SPSB1: variants seen among roughly 807,000 people sequenced by gnomAD.
The protein encoded by SPSB1 is SPRY domain-containing SOCS box protein 1.
Under a neutral mutation model 21.2 loss-of-function variants are expected in SPSB1, and 8 were observed. The ratio of observed to expected loss-of-function variants is 0.38; its 90% confidence interval spans 0.22 to 0.68. The LOEUF is 0.68. Among genes scored for constraint, SPSB1 ranks in the 30% least tolerant of loss-of-function variants. SPSB1 has a pLI of 0.53. For synonymous variants in SPSB1, 169 were observed against 161.7 expected, an observed-to-expected ratio of 1.05 and a Z score of -0.34; for missense variants, 242 against 377.8, an observed-to-expected ratio of 0.64 and a Z score of 2.98.
rs35087106 is a variant in SPSB1 at position 9,324,505 on chromosome 1, CTG to C, written c.-149-31235_-149-31234del. The stretch of plus-strand genomic sequence containing the variant: ...GCCTCTGGAGGGTCGGCTCGGAGGG[CTG>C]TGGGCCCGGGACTCGGTGTGTCCGA... On this transcript the variant is annotated intron_variant, in intron 1 of 2. Coordinates refer to ENST00000328089, the MANE Select transcript of SPSB1 (RefSeq NM_025106.4). The surrounding 1 kb of genome is among the most constrained non-coding windows in gnomAD (Gnocchi z 4.3). Among the ~76,000 whole-genome samples, 73,544 of 151,610 alleles carry C rather than the reference CTG, an allele frequency of 0.49. 19,260 individuals are homozygous for C. Among genetic ancestry groups the C allele is most frequent in the Non-Finnish European group, 0.61 (41,242 of 67,826 alleles).
intron 1 of SPSB1, among the ~76,000 whole-genome samples, chr1:9,308,076 C>T (rs1405840118): frequency 1.3e-5 from 2 of 152,166 alleles, no homozygotes; most frequent in African/African-American, 4.8e-5. Flanking sequence ...TCCTGTTAAC[C>T]CGTCTGGGAC....
intron 1 of SPSB1, among the ~76,000 whole-genome samples, chr1:9,353,832 C>T (rs1458269269): frequency 1.3e-5 from 2 of 151,804 alleles, no homozygotes; most frequent in Admixed American, 1.3e-4. Flanking sequence ...GCAGGAGAAT[C>T]GCTTGAACCC....
Position 9,357,153 on chromosome 1 carries a change from ATGGATGGG to A in SPSB1, c.694+576_694+583del, listed in dbSNP as rs796465223. On this transcript the variant is annotated intron_variant, in intron 2 of 2. Transcript: ENST00000328089. ...GATGAGTGGATGGATGGATGGGTGG[ATGGATGGG>A]TGGATGGATGGGTGGATGGATGAGT... Among the ~76,000 whole-genome samples the A allele has an allele frequency of 5.9e-4, 86 of 146,478 alleles. 2 individuals carry two copies. The highest frequency in any genetic ancestry group is 4.1e-3 in the South Asian group (19 of 4,610).
intron 2 of SPSB1, among the ~76,000 whole-genome samples, chr1:9,365,553 T>C (rs1269308473): frequency 1.4e-5 from 2 of 147,818 alleles, no homozygotes; most frequent in East Asian, 4.2e-4. Context: ...TCCAATTCAG[T>C]GGCCTCTTGC....
chr1:9,361,566 G>A (rs922149627), intron 2 of SPSB1, among the ~76,000 whole-genome samples: 2 of 152,168 alleles, frequency 1.3e-5, no homozygotes, highest in African/African-American at 4.8e-5. Flanking sequence ...CAGAGTCCCG[G>A]CTTCTACACT....
At chr1:9,306,953 A>T (rs1639423800) in intron 1 of SPSB1, among the ~76,000 whole-genome samples, 3 of 143,954 alleles carry the variant, frequency 2.1e-5, no homozygotes, top group Non-Finnish European at 3.0e-5. Context: ...TTTTAAGTGG[A>T]ATCTCGCTCT....
At chr1:9,337,149 G>A (rs1427232127) in intron 1 of SPSB1, among the ~76,000 whole-genome samples, 1 of 152,112 alleles carries the variant, frequency 6.6e-6, no homozygotes, top group Non-Finnish European at 1.5e-5. Context: ...GGGAAGGGGT[G>A]CTTTCTGGTC....
In SPSB1 at chr1:9,367,590, C is replaced by A; in HGVS notation, c.*15C>A. 1 of 1,589,394 alleles carries A rather than the reference C, an allele frequency of 6.3e-7. No homozygotes were observed. The highest frequency in any genetic ancestry group is 8.6e-7 in the Non-Finnish European group (1 of 1,165,474). On this transcript the variant is annotated 3_prime_UTR_variant, in exon 3 of 3. Coordinates refer to ENST00000328089, the MANE Select transcript of SPSB1 (RefSeq NM_025106.4). The surrounding 1 kb of genome is among the most constrained non-coding windows in gnomAD (Gnocchi z 5.9). ...TCTACCAGTGACGTTCGCCATCATA[C>A]CGCCAGCGCGACAGCCACCTGGTGC...
intron 1 of SPSB1, among the ~76,000 whole-genome samples, chr1:9,301,817 G>T (rs1639334352): frequency 6.6e-6 from 1 of 152,210 alleles, no homozygotes; most frequent in Non-Finnish European, 1.5e-5. Flanking sequence ...CTCCAGTATG[G>T]CCCCATTCCC....
Position 9,317,301 on chromosome 1 carries a change from C to A in SPSB1, c.-150+24230C>A, listed in dbSNP as rs531295952. On this transcript the variant is annotated intron_variant, in intron 1 of 2. Coordinates refer to ENST00000328089, the MANE Select transcript of SPSB1 (RefSeq NM_025106.4). This position sits in a 1 kb window ranked among gnomAD's most constrained non-coding sequence, Gnocchi z 4.3. ...GGAAGAAGGGAATAAATGTCACTGG[C>A]GGAAGGTGGCATGTGTGTGCAAAAC... Among the ~76,000 whole-genome samples, 1 of 152,008 alleles carries A rather than the reference C, an allele frequency of 6.6e-6. No individual in the cohort carries two copies. The highest frequency in any genetic ancestry group is 1.5e-5 in the Non-Finnish European group (1 of 68,000).
chr1:9,346,119 T>C lies in SPSB1; in HGVS notation c.-149-9624T>C, dbSNP rs565223531. 7.0e-4 allele frequency among the ~76,000 whole-genome samples: 106 copies of C among 152,368 alleles called. No individual in the cohort carries two copies. Among genetic ancestry groups the C allele is most frequent in the Admixed American group, 1.6e-3 (25 of 15,306 alleles). On this transcript the variant is annotated intron_variant, in intron 1 of 2. Coordinates refer to ENST00000328089, the MANE Select transcript of SPSB1 (RefSeq NM_025106.4). This position sits in a 1 kb window ranked among gnomAD's most constrained non-coding sequence, Gnocchi z 4.4. The stretch of plus-strand genomic sequence containing the variant: ...TGAGCCAGGCTGCAGAGATTGATTC[T>C]GATAAAATAGCAGATTGCTCGGGGC...
rs909462344 is a variant in SPSB1 at position 9,317,632 on chromosome 1, G to GAT, written c.-150+24572_-150+24573dup. ...CCTCAGGTATGCACTACCACGCCCA[G>GAT]ATATATATATATTTTTGTATTTTGT... On this transcript the variant is annotated intron_variant, in intron 1 of 2. Transcript: ENST00000328089. This position sits in a 1 kb window ranked among gnomAD's most constrained non-coding sequence, Gnocchi z 4.3. 1.8e-4 allele frequency among the ~76,000 whole-genome samples: 28 copies of GAT among 152,066 alleles called. No homozygotes were observed. The highest frequency in any genetic ancestry group is 6.0e-4 in the African/African-American group (25 of 41,486).
Position 9,346,749 on chromosome 1 carries a change from C to G in SPSB1, c.-149-8994C>G, listed in dbSNP as rs150170807. 8.0e-3 allele frequency among the ~76,000 whole-genome samples: 1,213 copies of G among 152,292 alleles called. 13 individuals are homozygous for G. The highest frequency in any genetic ancestry group is 0.015 in the South Asian group (71 of 4,816). ...TGGTCTATCAGGGGTGGAACAGCCACCGGTGTTTCTGATGGGGCCACCTCA... is the reference window on the plus strand; with the variant it reads ...TGGTCTATCAGGGGTGGAACAGCCAGCGGTGTTTCTGATGGGGCCACCTCA... On this transcript the variant is annotated intron_variant, in intron 1 of 2. Transcript: ENST00000328089. The surrounding 1 kb of genome is among the most constrained non-coding windows in gnomAD (Gnocchi z 4.4).
At chr1:9,350,917 C>G (rs971680972) in intron 1 of SPSB1, among the ~76,000 whole-genome samples, 1 of 152,198 alleles carries the variant, frequency 6.6e-6, no homozygotes, top group Non-Finnish European at 1.5e-5. Flanking sequence ...GTGTAGTGCC[C>G]GGTGCTGGAT....
intron 1 of SPSB1, among the ~76,000 whole-genome samples, chr1:9,328,596 G>A (rs1426142661): frequency 2.0e-5 from 3 of 152,344 alleles, no homozygotes; most frequent in South Asian, 4.1e-4. Context: ...GTAACCCAGA[G>A]GCTGATGAGT....
In SPSB1 at chr1:9,367,391, C is replaced by A; in HGVS notation, c.695-57C>A. On this transcript the variant is annotated intron_variant, in intron 2 of 2. Coordinates refer to ENST00000328089, the MANE Select transcript of SPSB1 (RefSeq NM_025106.4). The surrounding 1 kb of genome is among the most constrained non-coding windows in gnomAD (Gnocchi z 5.9). ...GATAATATTGCTGCTGTGGTTAGCG[C>A]TGTTTGCTGAACACCCACCCAAGCT... is the stretch of plus-strand genomic sequence containing the variant. The A allele has an allele frequency of 6.2e-7, 1 of 1,611,470 alleles. No individual in the cohort carries two copies. The highest frequency in any genetic ancestry group is 8.5e-7 in the Non-Finnish European group (1 of 1,179,740).
intron 2 of SPSB1, among the ~76,000 whole-genome samples, chr1:9,359,558 C>T (rs370388555): frequency 1.8e-4 from 28 of 151,858 alleles, no homozygotes; most frequent in African/African-American, 5.8e-4. Context: ...AAAAATTAGC[C>T]GGGCGTGGTG....
Position 9,345,119 on chromosome 1 carries a change from G to A in SPSB1, c.-149-10624G>A, listed in dbSNP as rs1056087094. ...GAGTCCCACAGGAGGCTAGGCTGGA[G>A]CGAGGCCCTTCCAGAGAACCAGCTT... On this transcript the variant is annotated intron_variant, in intron 1 of 2. Transcript: ENST00000328089. The surrounding 1 kb of genome is among the most constrained non-coding windows in gnomAD (Gnocchi z 4.8). Among the ~76,000 whole-genome samples the A allele has an allele frequency of 6.6e-6, 1 of 152,182 alleles. No individual in the cohort carries two copies. Among genetic ancestry groups the A allele is most frequent in the East Asian group, 1.9e-4 (1 of 5,194 alleles).
chr1:9,353,396 C>T (rs1640303661), intron 1 of SPSB1, among the ~76,000 whole-genome samples: 1 of 152,134 alleles, frequency 6.6e-6, no homozygotes, highest in Admixed American at 6.5e-5. Context: ...TGGAGGGAGT[C>T]CTAGAGGTTT....
Sources: gnomAD v4.1 joint callset for allele counts (sites outside exome capture counted in the v4.1 genomes callset) on GRCh38, gnomAD v4.1.1 for gene constraint, Gnocchi (gnomAD v3.1) non-coding constraint, MANE v1.5 for transcripts, NCBI Gene and HGNC (gene_info 2026-07-23, HGNC 2026-07-21) for gene names.